DMD: variants seen among roughly 807,000 people sequenced by gnomAD.
DMD encodes the protein mutant dystrophin.
A neutral mutation model predicts 330.1 loss-of-function variants in DMD; 63 were observed. That is an observed-to-expected ratio of 0.19 (90% confidence interval 0.16 to 0.24). The LOEUF is 0.24. Ranked by LOEUF, DMD falls within the 10% of genes least tolerant of loss-of-function variation. The pLI, the probability that DMD is intolerant of heterozygous loss-of-function variation, is 1.00. For synonymous variants in DMD, 1,223 were observed against 959.8 expected (o/e 1.27, Z -5.07); for missense variants, 3,344 against 2,684.1 (o/e 1.25, Z -5.43).
intron 43 of DMD, among the ~76,000 whole-genome samples, chrX:32,243,455 T>C (rs2097217164): frequency 8.9e-6 from 1 of 112,063 alleles, no homozygotes; most frequent in African/African-American, 3.2e-5. Flanking sequence ...CTGGTAAATG[T>C]CTAACAATCA....
At chrX:31,175,590 A>G (rs1429846860) in intron 71 of DMD, among the ~76,000 whole-genome samples, 1 of 110,920 alleles carries the variant, frequency 9.0e-6, no homozygotes, top group Admixed American at 9.6e-5. Context: ...AGAATTAGTG[A>G]AAATACAAAG....
chrX:32,734,227 C>A (rs1172005016), intron 7 of DMD, among the ~76,000 whole-genome samples: 7 of 105,912 alleles, frequency 6.6e-5, no homozygotes, highest in African/African-American at 2.5e-4. Context: ...GAAGTTGAAT[C>A]TCTGAATAGA....
intron 18 of DMD, among the ~76,000 whole-genome samples, chrX:32,513,539 G>A (rs988792626): frequency 1.8e-5 from 2 of 111,892 alleles, no homozygotes; most frequent in Non-Finnish European, 3.8e-5. Flanking sequence ...GTCAAAGATT[G>A]GACTTGTGAA....
At chrX:33,022,642 C>A (rs983025527) in intron 1 of DMD, among the ~76,000 whole-genome samples, 67 of 110,788 alleles carry the variant, frequency 6.0e-4, no homozygotes, top group African/African-American at 2.2e-3. Flanking sequence ...TCTTCTCAAT[C>A]TGTATGTAAT....
At chrX:32,208,692 C>A (rs1345344752) in intron 44 of DMD, among the ~76,000 whole-genome samples, 1 of 112,176 alleles carries the variant, frequency 8.9e-6, no homozygotes, top group African/African-American at 3.2e-5. Flanking sequence ...ACTCATGAGA[C>A]TGTGAGCTCA....
At chrX:31,359,576 G>A (rs757989582) in intron 60 of DMD, among the ~76,000 whole-genome samples, 1 of 112,002 alleles carries the variant, frequency 8.9e-6, no homozygotes, top group Non-Finnish European at 1.9e-5. Flanking sequence ...CATTTATAGA[G>A]CATTTACTAT....
chrX:32,949,972 A>ACATCCAGTGTAAAGGTGCAGAGGC (rs1216328276), intron 2 of DMD, among the ~76,000 whole-genome samples: 128 of 109,990 alleles, frequency 1.2e-3, no homozygotes, highest in East Asian at 2.9e-3. Context: ...AGGCAAAAAA[A>ACATCCAGTGTAAAGGTGCAGAGGC]AAAAAAAAAA....
chrX:31,711,196 T>C (rs6631370), intron 52 of DMD, among the ~76,000 whole-genome samples: 15,192 of 111,091 alleles, frequency 0.14, 911 homozygotes, highest in Admixed American at 0.31. Context: ...TTAGTAATAT[T>C]TAGATCCACT....
At chrX:32,255,846 G>A (rs1307376716) in intron 43 of DMD, among the ~76,000 whole-genome samples, 2 of 111,588 alleles carry the variant, frequency 1.8e-5, no homozygotes, top group African/African-American at 6.5e-5. Flanking sequence ...CTATATCAAT[G>A]CGATGTTTCA....
At chrX:31,471,007 G>C (rs2067254471) in intron 59 of DMD, among the ~76,000 whole-genome samples, 1 of 111,783 alleles carries the variant, frequency 8.9e-6, no homozygotes, top group South Asian at 3.8e-4. Context: ...CCCACACTAA[G>C]CTTGAGTATC....
rs1335780628 is a variant in DMD, at chrX:32,621,255, T to C, written c.1332-6802A>G. 9.0e-5 allele frequency among the ~76,000 whole-genome samples: 10 copies of C among 111,237 alleles called. No homozygotes were observed. The Admixed American group carries it at 9.5e-4, about 11-fold the overall frequency. On this transcript the variant is annotated intron_variant, in intron 11 of 78. Coordinates refer to ENST00000357033, the MANE Select transcript of DMD (RefSeq NM_004006.3). ...AAGACCTGTGAAAGGCCCTGTCACA[T>C]CACAGAGGAACCGGAAATCCAGTGC...
intron 44 of DMD, among the ~76,000 whole-genome samples, chrX:32,167,503 G>A (rs1439261124): frequency 8.9e-6 from 1 of 112,027 alleles, no homozygotes; most frequent in Non-Finnish European, 1.9e-5. Context: ...TAGGATTAAA[G>A]GAGATAAGTC....
intron 1 of DMD, among the ~76,000 whole-genome samples, chrX:33,320,163 G>T (rs146982352): frequency 3.2e-4 from 36 of 111,672 alleles, no homozygotes; most frequent in African/African-American, 1.1e-3. Context: ...TGAATTAAGC[G>T]TTAACAAAGA....
At chrX:31,972,441 A>G (rs1240705964) in intron 44 of DMD, among the ~76,000 whole-genome samples, 2 of 111,977 alleles carry the variant, frequency 1.8e-5, no homozygotes, top group African/African-American at 6.5e-5. Flanking sequence ...CCAAAACTGC[A>G]TGAAAACACA....
intron 44 of DMD, among the ~76,000 whole-genome samples, chrX:32,044,668 C>T (rs1305395866): frequency 2.7e-5 from 3 of 110,849 alleles, no homozygotes; most frequent in South Asian, 7.6e-4. Context: ...ATGATCCGCC[C>T]GCCTTGGCCT....
intron 51 of DMD, among the ~76,000 whole-genome samples, chrX:31,744,694 T>C (rs765973459): frequency 8.9e-6 from 1 of 112,384 alleles, no homozygotes; most frequent in South Asian, 3.7e-4. Context: ...TTATTTGTAA[T>C]AGTTTGCCTG....
chrX:31,338,654 C>T (rs1350911722), intron 61 of DMD, among the ~76,000 whole-genome samples: 2 of 110,766 alleles, frequency 1.8e-5, no homozygotes, highest in African/African-American at 3.3e-5. Flanking sequence ...TACAAGAAGC[C>T]CCATCTATCT....
intron 9 of DMD, among the ~76,000 whole-genome samples, chrX:32,656,955 CAT>C (rs984655713): frequency 1.6e-4 from 18 of 110,725 alleles, no homozygotes; most frequent in African/African-American, 5.9e-4. Context: ...ATTCATATTT[CAT>C]ATGTGTTTAT....
In DMD at chrX:33,068,274, G is replaced by C. The variant is rs181173366; in HGVS notation, c.32-48074C>G. On this transcript the variant is annotated intron_variant, in intron 1 of 78. Coordinates refer to ENST00000357033, the MANE Select transcript of DMD (RefSeq NM_004006.3). ...TCTAGAGTTTGGGAAGGACTGCCTA[G>C]TAGATTGTAAGGCCAAGGTAGTGAT... 5.4e-5 allele frequency among the ~76,000 whole-genome samples: 6 copies of C among 111,718 alleles called. No homozygotes were observed. In the East Asian group the frequency reaches 1.7e-3, roughly 32 times the overall value.
Sources: gnomAD v4.1 joint callset for allele counts (sites outside exome capture counted in the v4.1 genomes callset) on GRCh38, gnomAD v4.1.1 for gene constraint, MANE v1.5 for transcripts, NCBI Gene and HGNC (gene_info 2026-07-23, HGNC 2026-07-21) for gene names.